ATP9A: variants seen among roughly 807,000 people sequenced by gnomAD.
The protein encoded by ATP9A is probable phospholipid-transporting ATPase IIA.
Under a neutral mutation model 144.1 loss-of-function variants are expected in ATP9A, and 52 were observed. The ratio of observed to expected loss-of-function variants is 0.36; its 90% confidence interval spans 0.29 to 0.45. The LOEUF is 0.45. Ranked by LOEUF, ATP9A falls within the 20% of genes least tolerant of loss-of-function variation. The probability of loss-of-function intolerance (pLI) is 1.00; values close to 1 mark genes in which losing one functional copy is unlikely to be tolerated. For synonymous variants in ATP9A, 582 were observed against 557.4 expected (o/e 1.04, Z -0.62); for missense variants, 947 against 1,392.7 (o/e 0.68, Z 5.09).
At position 51,610,128 on chromosome 20, in the gene ATP9A, G is replaced by A; in HGVS notation, c.2609C>T (p.Pro870Leu). The change falls in exon 24 of 28, where the codon CCT becomes CTT. Residue 870 changes from proline to leucine, a missense_variant. This residue lies in a region of ATP9A where 177 missense variants were observed against 344.9 expected (regional missense o/e 0.51). Transcript: ENST00000338821. Reference protein sequence around the residue: ...FSSVFYFASVPLYQGFLIIGY... With the variant: ...FSSVFYFASVLLYQGFLIIGY... Reference sequence around the variant, plus strand: ...AATGATGAGGAATCCTTGATAGAGAGGGACGGAGGCAAAGTAAAACACGGA... The same window carrying A: ...AATGATGAGGAATCCTTGATAGAGAAGGACGGAGGCAAAGTAAAACACGGA... 1 of 1,609,962 alleles carries A rather than the reference G, an allele frequency of 6.2e-7. No individual in the cohort carries two copies. The highest frequency in any genetic ancestry group is 1.1e-5 in the South Asian group (1 of 90,994).
At chr20:51,721,817 A>AAAAAG (rs1568835905) in intron 3 of ATP9A, among the ~76,000 whole-genome samples, 4 of 144,130 alleles carry the variant, frequency 2.8e-5, no homozygotes, top group Non-Finnish European at 4.6e-5. Context: ...AAAAAAAAAG[A>AAAAAG]AAAAGAAAAA....
rs73265654 is a variant in ATP9A, at chr20:51,596,836, T to G, written c.*4375A>C. ...GAGCCACGCTGGCAAACAATGAAAG[T>G]AGAGTCGCTCAGAAACACGAAAGAT... On this transcript the variant is annotated 3_prime_UTR_variant, in exon 28 of 28. Coordinates refer to ENST00000338821, the MANE Select transcript of ATP9A (RefSeq NM_006045.3). 149 of 152,374 alleles carry G rather than the reference T, an allele frequency of 9.8e-4. No homozygotes were observed. The highest frequency in any genetic ancestry group is 3.4e-3 in the African/African-American group (142 of 41,578). The allele number at this position is 152,374 out of a possible 1,614,324, so 9.4% of individuals were successfully genotyped here.
At chr20:51,687,354 T>C (rs1418347681) in intron 9 of ATP9A, among the ~76,000 whole-genome samples, 4 of 152,150 alleles carry the variant, frequency 2.6e-5, no homozygotes, top group Non-Finnish European at 5.9e-5. Flanking sequence ...TCTGCCTATT[T>C]GTATTAAGTA....
intron 4 of ATP9A, among the ~76,000 whole-genome samples, chr20:51,708,145 A>G (rs1568829803): frequency 2.6e-5 from 4 of 152,022 alleles, no homozygotes; most frequent in Admixed American, 6.5e-5. Flanking sequence ...AATTAATCCA[A>G]TTGATGTTGT....
chr20:51,680,378 G>A (rs1259408614), intron 9 of ATP9A, among the ~76,000 whole-genome samples: 1 of 152,000 alleles, frequency 6.6e-6, no homozygotes, highest in Non-Finnish European at 1.5e-5. Context: ...GAGAAGAACT[G>A]GGCTAGAGCA....
At position 51,605,026 on chromosome 20, in the gene ATP9A, A is replaced by C; in HGVS notation, c.2804-6T>G. 4 of 1,598,574 alleles carry C rather than the reference A, an allele frequency of 2.5e-6. No individual in the cohort carries two copies. The highest frequency in any genetic ancestry group is 3.4e-6 in the Non-Finnish European group (4 of 1,172,208). On this transcript the variant is annotated splice_region_variant and splice_polypyrimidine_tract_variant and intron_variant, in intron 26 of 27. Coordinates refer to ENST00000338821, the MANE Select transcript of ATP9A (RefSeq NM_006045.3). ...CCCGTACATGATGGTGCTCCCTGCAAACACCAGAGAAGGGTATTCCCCTCA... is the reference window on the plus strand; with the variant it reads ...CCCGTACATGATGGTGCTCCCTGCACACACCAGAGAAGGGTATTCCCCTCA...
chr20:51,748,325 G>C (rs1229593894), intron 1 of ATP9A, among the ~76,000 whole-genome samples: 4 of 151,962 alleles, frequency 2.6e-5, no homozygotes, highest in African/African-American at 9.7e-5. Context: ...GAAAGAAGGA[G>C]GTGGAGAAGG....
intron 14 of ATP9A, among the ~76,000 whole-genome samples, chr20:51,655,318 TG>T (rs1352823882): frequency 6.6e-6 from 1 of 152,166 alleles, no homozygotes; most frequent in Non-Finnish European, 1.5e-5. Flanking sequence ...GGCCGGGCGC[TG>T]TGGCTCACAC....
At chr20:51,603,263 G>A (rs1327049239) in intron 27 of ATP9A, among the ~76,000 whole-genome samples, 2 of 152,176 alleles carry the variant, frequency 1.3e-5, no homozygotes, top group Admixed American at 6.5e-5. Flanking sequence ...GGAAAGAGGT[G>A]TAAAGAGGAC....
chr20:51,757,985 G>A (rs1178416508), intron 1 of ATP9A, among the ~76,000 whole-genome samples: 3 of 151,912 alleles, frequency 2.0e-5, no homozygotes, highest in African/African-American at 7.3e-5. Context: ...TATGTGTTTA[G>A]ACTGCGCCAT....
chr20:51,635,796 G>GGGAGGAA (rs2077288512), intron 15 of ATP9A, among the ~76,000 whole-genome samples: 1 of 124,456 alleles, frequency 8.0e-6, no homozygotes, highest in East Asian at 2.5e-4. Flanking sequence ...AAACAGAGGA[G>GGGAGGAA]GGGAGGAGGA....
rs1270171187 is a variant in ATP9A at position 51,713,061 on chromosome 20, G to T, written c.341C>A (p.Ala114Asp). 2 of 1,611,006 alleles carry T rather than the reference G, an allele frequency of 1.2e-6. No homozygotes were observed. The highest frequency in any genetic ancestry group is 2.7e-5 in the African/African-American group (2 of 74,838). Residue 114 changes from alanine (A) to aspartate (D), a missense_variant, in exon 4 of 28, where the codon GCC becomes GAC. Coordinates refer to ENST00000338821, the MANE Select transcript of ATP9A (RefSeq NM_006045.3). ...TYWVPLGFVL[A>D]VTVIREAVEE... is the part of the protein sequence containing the mutation. ...CACCGCCTCACGGATGACAGTGACG[G>T]CCAGCACGAAGCCCTGCAGAGACAG...
At chr20:51,639,283 G>C (rs1459852573) in intron 15 of ATP9A, 60 bp downstream of exon 15, 2 of 1,511,654 alleles carry the variant, frequency 1.3e-6, no homozygotes, top group East Asian at 4.6e-5. Context: ...AACCCACAGG[G>C]ACACACGCAG....
chr20:51,671,343 G>A (rs2077455232), intron 11 of ATP9A, 86 bp from the exon 12 acceptor site: 1 of 1,483,310 alleles, frequency 6.7e-7, no homozygotes, highest in Non-Finnish European at 9.2e-7. Flanking sequence ...CTAAACACAT[G>A]TGCCATCGCA....
intron 8 of ATP9A, among the ~76,000 whole-genome samples, chr20:51,689,859 C>T (rs2077539262): frequency 6.6e-6 from 1 of 151,546 alleles, no homozygotes; most frequent in Admixed American, 6.6e-5. Flanking sequence ...ACCTGTAATC[C>T]CAGCACTTTG....
intron 3 of ATP9A, among the ~76,000 whole-genome samples, chr20:51,720,260 A>G (rs757641247): frequency 5.3e-5 from 8 of 152,244 alleles, no homozygotes; most frequent in Non-Finnish European, 1.5e-5. Context: ...AAAAGGCAGT[A>G]TGATAAATGT....
intron 13 of ATP9A, among the ~76,000 whole-genome samples, chr20:51,666,405 G>C (rs964048134): frequency 2.6e-5 from 4 of 152,156 alleles, no homozygotes; most frequent in African/African-American, 9.7e-5. Context: ...ACTGGGCCAG[G>C]CATGGTGACT....
intron 14 of ATP9A, 59 bp downstream of exon 14, chr20:51,656,879 C>T: frequency 1.3e-6 from 2 of 1,517,650 alleles, no homozygotes; most frequent in Non-Finnish European, 1.8e-6. Flanking sequence ...ACGCCTAATT[C>T]CAGCACAGAG....
chr20:51,608,922 C>CGTGTGTGTGTGTGTGT (rs1214031645), intron 24 of ATP9A, among the ~76,000 whole-genome samples: 7,612 of 142,766 alleles, frequency 0.053, 308 homozygotes, highest in Admixed American at 0.091. Flanking sequence ...GGAAATAAGA[C>CGTGTGTGTGTGTGTGT]GTGTGTGTGT....
Sources: gnomAD v4.1 joint callset for allele counts (sites outside exome capture counted in the v4.1 genomes callset) on GRCh38, gnomAD v4.1.1 for gene constraint, gnomAD v4.1.1 regional missense constraint, MANE v1.5 for transcripts, NCBI Gene and HGNC (gene_info 2026-07-23, HGNC 2026-07-21) for gene names.